CHIC1: variants seen among roughly 807,000 people sequenced by gnomAD.
CHIC1 encodes the protein cysteine rich hydrophobic domain 1.
CHIC1 carries 7 observed loss-of-function variants against 18.5 expected under a neutral mutation model. The observed-to-expected ratio is 0.38, with a 90% CI of 0.22 to 0.71. The LOEUF (loss-of-function observed/expected upper bound fraction) is 0.71. Among genes scored for constraint, CHIC1 ranks in the 30% least tolerant of loss-of-function variants. The pLI is 0.49. For synonymous variants in CHIC1, 77 were observed against 73.5 expected, an observed-to-expected ratio of 1.05 and a Z score of -0.25; for missense variants, 159 against 176.9, an observed-to-expected ratio of 0.90 and a Z score of 0.57.
chrX:73,599,550 T>C (rs2057631531), intron 3 of CHIC1, among the ~76,000 whole-genome samples: 1 of 105,266 alleles, frequency 9.5e-6, no homozygotes, highest in African/African-American at 3.8e-5. Flanking sequence ...TTTCTACATC[T>C]GGCTAGCCAG....
chrX:73,678,575 G>T (rs2058083001), intron 3 of CHIC1, among the ~76,000 whole-genome samples: 1 of 111,987 alleles, frequency 8.9e-6, no homozygotes, highest in Non-Finnish European at 1.9e-5. Flanking sequence ...CTCAGGTAGG[G>T]CACACTGGTG....
rs2058104943 is a variant in CHIC1, at chrX:73,682,911, A to G, written c.*1906A>G. ...TAATGTTATCAAATTTATGCTTCAAACTGTGATATTTTAATACCAAAATCG... is the reference window on the plus strand; with the variant it reads ...TAATGTTATCAAATTTATGCTTCAAGCTGTGATATTTTAATACCAAAATCG... On this transcript the variant is annotated 3_prime_UTR_variant, in exon 6 of 6. Coordinates refer to ENST00000373502, the MANE Select transcript of CHIC1 (RefSeq NM_001039840.4). 1 of 111,809 alleles carries G rather than the reference A, an allele frequency of 8.9e-6. No homozygotes were observed. The highest frequency in any genetic ancestry group is 9.5e-5 in the Admixed American group (1 of 10,507). 9.2% of individuals were successfully genotyped at this position (111,809 alleles called of 1,213,427 possible).
intron 3 of CHIC1, among the ~76,000 whole-genome samples, chrX:73,677,417 C>G (rs1249761241): frequency 6.3e-5 from 7 of 111,975 alleles, no homozygotes; most frequent in African/African-American, 2.3e-4. Context: ...TTTACCTAAT[C>G]AAACAACTAA....
At chrX:73,667,756 C>T (rs2058011121) in intron 3 of CHIC1, among the ~76,000 whole-genome samples, 1 of 110,962 alleles carries the variant, frequency 9.0e-6, no homozygotes, top group South Asian at 3.9e-4. Flanking sequence ...TTAGTCTTCC[C>T]CTTGTATGTG....
At chrX:73,655,129 C>A (rs2057935436) in intron 3 of CHIC1, among the ~76,000 whole-genome samples, 2 of 109,713 alleles carry the variant, frequency 1.8e-5, no homozygotes, top group South Asian at 7.8e-4. Context: ...TCATTCAGCT[C>A]CAATTTATGA....
At chrX:73,658,402 CT>C (rs1489245642) in intron 3 of CHIC1, among the ~76,000 whole-genome samples, 1 of 106,585 alleles carries the variant, frequency 9.4e-6, no homozygotes, top group Non-Finnish European at 1.9e-5. Context: ...TCCGTTTCTT[CT>C]TTATTTTCTA....
chrX:73,637,269 C>T (rs1334624077), intron 3 of CHIC1, among the ~76,000 whole-genome samples: 2 of 108,765 alleles, frequency 1.8e-5, no homozygotes, highest in African/African-American at 6.7e-5. Context: ...TTGTATATGA[C>T]AAGTTACTTC....
chrX:73,583,012 CATTTA>C (rs1355316602), intron 2 of CHIC1, among the ~76,000 whole-genome samples: 1 of 110,890 alleles, frequency 9.0e-6, no homozygotes, highest in African/African-American at 3.3e-5. Context: ...GAAATTTTGC[CATTTA>C]ATTGGAATTC....
intron 3 of CHIC1, among the ~76,000 whole-genome samples, chrX:73,593,292 G>C (rs2057590948): frequency 9.0e-6 from 1 of 111,052 alleles, no homozygotes; most frequent in Admixed American, 9.6e-5. Context: ...ATGTTAGATT[G>C]ATAATTTGAG....
chrX:73,649,837 G>T (rs2057907091), intron 3 of CHIC1, among the ~76,000 whole-genome samples: 1 of 111,849 alleles, frequency 8.9e-6, no homozygotes, highest in African/African-American at 3.3e-5. Context: ...GGACCAAGCA[G>T]AACTAATAGA....
chrX:73,564,036 A>G (rs1052792305), intron 1 of CHIC1, among the ~76,000 whole-genome samples: 3 of 112,171 alleles, frequency 2.7e-5, no homozygotes, highest in African/African-American at 9.7e-5. Context: ...ATAATAATAG[A>G]ATGTTCATTC....
intron 3 of CHIC1, among the ~76,000 whole-genome samples, chrX:73,630,731 A>G (rs1401863959): frequency 8.9e-6 from 1 of 111,839 alleles, no homozygotes; most frequent in African/African-American, 3.3e-5. Flanking sequence ...TAGCTTTGGT[A>G]TCAGGGTAAT....
chrX:73,563,594 G>C lies in CHIC1; in HGVS notation c.296+14G>C. On this transcript the variant is annotated intron_variant, in intron 1 of 5. Coordinates refer to ENST00000373502, the MANE Select transcript of CHIC1 (RefSeq NM_001039840.4). ...CCACATCACTGTGTAAGCGAGAGGG[G>C]GTCTTGGGACTTGAAATGCCTGAGA... The C allele has an allele frequency of 9.5e-7, 1 of 1,056,070 alleles. No homozygotes were observed. The highest frequency in any genetic ancestry group is 1.2e-6 in the Non-Finnish European group (1 of 816,617). The allele number at this position is 1,056,070 out of a possible 1,213,427, so 87.0% of individuals were successfully genotyped here. A position where few individuals can be genotyped will look rare whatever the true frequency, so the allele number is the denominator to read the frequency against.
At chrX:73,664,487 G>A (rs891047135) in intron 3 of CHIC1, among the ~76,000 whole-genome samples, 1 of 110,812 alleles carries the variant, frequency 9.0e-6, no homozygotes, top group African/African-American at 3.3e-5. Context: ...TCCTCTGATT[G>A]CCTGCCTTGC....
At chrX:73,568,320 C>T (rs1033417460) in intron 1 of CHIC1, among the ~76,000 whole-genome samples, 5 of 111,632 alleles carry the variant, frequency 4.5e-5, no homozygotes, top group African/African-American at 1.6e-4. Context: ...ACATGAAATT[C>T]ATTATGATTT....
intron 1 of CHIC1, among the ~76,000 whole-genome samples, chrX:73,564,791 G>GTTTTTTTTT (rs370930878): frequency 5.1e-5 from 3 of 58,390 alleles, no homozygotes; most frequent in Admixed American, 2.3e-4. Flanking sequence ...AACATGTTGA[G>GTTTTTTTTT]TTTTTTTTTT....
rs763197820 is a variant in CHIC1, at chrX:73,563,417, G to C, written c.133G>C (p.Glu45Gln). 3 of 1,154,634 alleles carry C rather than the reference G, an allele frequency of 2.6e-6. No individual in the cohort carries two copies. The Admixed American group carries it at 8.0e-5, about 31-fold the overall frequency. ...SSSVSGPDDD[E>Q]EDEEEEEEEE... ...GTCGGTATCTGGGCCCGACGATGAC[G>C]AGGAGGATGAGGAGGAAGAGGAGGA... The change falls in exon 1 of 6, where the codon GAG becomes CAG. Residue 45 changes from glutamate to glutamine, a missense_variant. Glu to Gln is a conservative substitution (Grantham distance 29, BLOSUM62 2). Transcript: ENST00000373502.
At chrX:73,582,890 T>C (rs182399752) in intron 2 of CHIC1, among the ~76,000 whole-genome samples, 397 of 111,151 alleles carry the variant, frequency 3.6e-3, no homozygotes, top group African/African-American at 0.01. Context: ...TCAGTGTTTT[T>C]AGTTTGTCTT....
Position 73,563,273 on chromosome X carries a change from CG to C in CHIC1, c.-11del. On this transcript the variant is annotated 5_prime_UTR_variant, in exon 1 of 6. Transcript: ENST00000373502. ...TTCTCCGGGAGCGTGGCGGCGATCG[CG>C]AGGTCACGTGATGAGCATCCTGCTG... 9.1e-7 allele frequency: 1 copy of C among 1,094,981 alleles called. No homozygotes were observed. 90.2% of individuals were successfully genotyped at this position (1,094,981 alleles called of 1,213,427 possible). A position where few individuals can be genotyped will look rare whatever the true frequency, so the allele number is the denominator to read the frequency against.
Sources: gnomAD v4.1 joint callset for allele counts (sites outside exome capture counted in the v4.1 genomes callset) on GRCh38, gnomAD v4.1.1 for gene constraint, MANE v1.5 for transcripts, NCBI Gene and HGNC (gene_info 2026-07-23, HGNC 2026-07-21) for gene names.